AKAP8L: variants seen among roughly 807,000 people sequenced by gnomAD.
The protein encoded by AKAP8L is A-kinase anchor protein 8-like.
A neutral mutation model predicts 77.5 loss-of-function variants in AKAP8L; 34 were observed. The ratio of observed to expected loss-of-function variants is 0.44; its 90% CI spans 0.33 to 0.58. The LOEUF (loss-of-function observed/expected upper bound fraction) is 0.58, where lower values mean the gene tolerates loss of function less well. AKAP8L is among the 20% of genes least tolerant of loss of function. AKAP8L has a pLI of 0.02. For synonymous variants in AKAP8L, 342 were observed against 340.7 expected (o/e 1.00, Z -0.04); for missense variants, 806 against 887.6 (o/e 0.91, Z 1.17).
chr19:15,402,459 T>TGA (rs1487835310), intron 4 of AKAP8L, among the ~76,000 whole-genome samples: 1 of 152,176 alleles, frequency 6.6e-6, no homozygotes, highest in African/African-American at 2.4e-5. Context: ...GTGCTGCCGC[T>TGA]GCTCTGCTTA....
intron 7 of AKAP8L, 43 bp downstream of exon 7, chr19:15,400,751 C>T (rs1408066701): frequency 1.9e-6 from 3 of 1,609,452 alleles, no homozygotes; most frequent in African/African-American, 1.3e-5. Flanking sequence ...TAGGCCAGCT[C>T]GCCCTGCCTG....
intron 12 of AKAP8L, among the ~76,000 whole-genome samples, chr19:15,385,140 G>T (rs1339074369): frequency 6.6e-6 from 1 of 152,164 alleles, no homozygotes; most frequent in Non-Finnish European, 1.5e-5. Context: ...ACCACGCCCG[G>T]CTAATTTTTT....
chr19:15,405,878 C>G (rs1967986689), intron 2 of AKAP8L, among the ~76,000 whole-genome samples: 1 of 151,550 alleles, frequency 6.6e-6, no homozygotes, highest in African/African-American at 2.4e-5. Context: ...GCCAAGATTG[C>G]ACCACTGCAC....
intron 12 of AKAP8L, among the ~76,000 whole-genome samples, chr19:15,385,977 C>G (rs949297843): frequency 6.0e-5 from 9 of 150,198 alleles, no homozygotes; most frequent in African/African-American, 1.5e-4. Context: ...GTGGCGCGAT[C>G]TCGGCTCACT....
In AKAP8L at chr19:15,399,208, C is replaced by A; in HGVS notation, c.1157+94G>T. The stretch of plus-strand genomic sequence containing the variant: ...GCAGGTGGCGGCTCCCAAGGGAGGC[C>A]AGAGGGCGGCGAGCTGGCAGAGCTA... On this transcript the variant is annotated intron_variant, in intron 9 of 13. Transcript: ENST00000397410. The surrounding 1 kb of genome is among the most constrained non-coding windows in gnomAD (Gnocchi z 6.1). The A allele has an allele frequency of 8.5e-7, 1 of 1,178,002 alleles. No individual in the cohort carries two copies. Among genetic ancestry groups the A allele is most frequent in the Non-Finnish European group, 1.2e-6 (1 of 800,524 alleles). 73.0% of individuals were successfully genotyped at this position (1,178,002 alleles called of 1,614,324 possible).
intron 2 of AKAP8L, 136 bp from the exon 3 acceptor site, chr19:15,404,178 G>A (rs558364169): frequency 1.6e-5 from 13 of 810,528 alleles, no homozygotes; most frequent in Admixed American, 5.3e-5. Context: ...CCTTGAGCTC[G>A]CGAGCACTGC....
At position 15,399,444 on chromosome 19, in the gene AKAP8L, G is replaced by A. The variant is rs757186578; in HGVS notation, c.1049-34C>T. The stretch of plus-strand genomic sequence containing the variant: ...GCAGATGGGCACTGTCACCAATTTG[G>A]CTCTGCCAGGACAGGGCAGGCCCTG... On this transcript the variant is annotated intron_variant, in intron 8 of 13. Coordinates refer to ENST00000397410, the MANE Select transcript of AKAP8L (RefSeq NM_014371.4). The surrounding 1 kb of genome is among the most constrained non-coding windows in gnomAD (Gnocchi z 6.1). 6.5e-7 allele frequency: 1 copy of A among 1,542,420 alleles called. No homozygotes were observed. The highest frequency in any genetic ancestry group is 9.0e-7 in the Non-Finnish European group (1 of 1,115,374).
Position 15,398,238 on chromosome 19 carries a change from G to T in AKAP8L, c.1158-383C>A, listed in dbSNP as rs756140805. 3.4e-6 allele frequency: 1 copy of T among 290,210 alleles called. No individual in the cohort carries two copies. Among genetic ancestry groups the T allele is most frequent in the Non-Finnish European group, 6.7e-6 (1 of 149,702 alleles). The allele number at this position is 290,210 out of a possible 1,614,324, so 18.0% of individuals were successfully genotyped here. On this transcript the variant is annotated intron_variant, in intron 9 of 13. Transcript: ENST00000397410. The surrounding 1 kb of genome is among the most constrained non-coding windows in gnomAD (Gnocchi z 9.2). Reference sequence around the variant, plus strand: ...CGGAAGGAAGGATGCCCTGGCGTGAGCCAGGTGGCCCTGAGGTGCAGAGTG... The same window carrying T: ...CGGAAGGAAGGATGCCCTGGCGTGATCCAGGTGGCCCTGAGGTGCAGAGTG...
intron 12 of AKAP8L, chr19:15,381,300 G>A (rs1018293247): frequency 2.0e-5 from 3 of 152,402 alleles, no homozygotes; most frequent in African/African-American, 7.2e-5. Context: ...GTGCAGAAGA[G>A]GTTAAATAAA....
At position 15,403,741 on chromosome 19, in the gene AKAP8L, C is replaced by T; in HGVS notation, c.122-26G>A. On this transcript the variant is annotated intron_variant, in intron 3 of 13. Transcript: ENST00000397410. The surrounding 1 kb of genome is among the most constrained non-coding windows in gnomAD (Gnocchi z 4.3). The stretch of plus-strand genomic sequence containing the variant: ...CTGCAGTGAGGGAGACAGAGACAGA[C>T]AGATGGTGGGGGCAGGCAGAGGGGA... 1 of 1,537,378 alleles carries T rather than the reference C, an allele frequency of 6.5e-7. No homozygotes were observed. The highest frequency in any genetic ancestry group is 8.8e-7 in the Non-Finnish European group (1 of 1,131,254).
intron 12 of AKAP8L, among the ~76,000 whole-genome samples, chr19:15,391,536 TTA>T: frequency 1.4e-5 from 2 of 148,068 alleles, no homozygotes; most frequent in African/African-American, 5.0e-5. Context: ...TATTTTTATT[TTA>T]TTTTATTTAT....
In AKAP8L at chr19:15,403,314, G is replaced by A. The variant is rs1373943525; in HGVS notation, c.362+161C>T. 3.0e-6 allele frequency: 2 copies of A among 666,084 alleles called. No homozygotes were observed. The highest frequency in any genetic ancestry group is 5.2e-6 in the Non-Finnish European group (2 of 384,210). The allele number at this position is 666,084 out of a possible 1,614,324, so 41.3% of individuals were successfully genotyped here. On this transcript the variant is annotated intron_variant, in intron 4 of 13. Transcript: ENST00000397410. The surrounding 1 kb of genome is among the most constrained non-coding windows in gnomAD (Gnocchi z 4.3). ...TGAGGGTGGGTGAGAGGAGACACAAGTCAGAGACGGGAAGTGCAACGGACC... is the reference window on the plus strand; with the variant it reads ...TGAGGGTGGGTGAGAGGAGACACAAATCAGAGACGGGAAGTGCAACGGACC...
intron 1 of AKAP8L, among the ~76,000 whole-genome samples, chr19:15,417,919 T>C (rs1486292129): frequency 6.6e-6 from 1 of 152,202 alleles, no homozygotes; most frequent in Non-Finnish European, 1.5e-5. Context: ...CCCAAGCATA[T>C]TGCGGGGGGC....
chr19:15,399,458 G>T lies in AKAP8L; in HGVS notation c.1049-48C>A. ...TCACCAATTTGGCTCTGCCAGGACA[G>T]GGCAGGCCCTGCGGCCTCTGGCTGA... On this transcript the variant is annotated intron_variant, in intron 8 of 13. Coordinates refer to ENST00000397410, the MANE Select transcript of AKAP8L (RefSeq NM_014371.4). This position sits in a 1 kb window ranked among gnomAD's most constrained non-coding sequence, Gnocchi z 6.1. The T allele has an allele frequency of 1.4e-6, 2 of 1,438,664 alleles. No homozygotes were observed. Among genetic ancestry groups the T allele is most frequent in the Non-Finnish European group, 2.0e-6 (2 of 1,021,098 alleles). The allele number at this position is 1,438,664 out of a possible 1,614,324, so 89.1% of individuals were successfully genotyped here.
intron 12 of AKAP8L, 73 bp from the exon 13 acceptor site, chr19:15,380,685 C>T (rs1210522297): frequency 1.4e-6 from 2 of 1,451,392 alleles, no homozygotes; most frequent in African/African-American, 1.4e-5. Flanking sequence ...ACCCTGCCAG[C>T]TTAGAGGGAC....
At position 15,413,092 on chromosome 19, in the gene AKAP8L, CT is replaced by C. The variant is rs1418455383; in HGVS notation, c.14-2499del. Among the ~76,000 whole-genome samples the C allele has an allele frequency of 2.0e-5, 3 of 152,190 alleles. No homozygotes were observed. In the East Asian group the frequency reaches 5.8e-4, roughly 29 times the overall value. On this transcript the variant is annotated intron_variant, in intron 1 of 13. Transcript: ENST00000397410. ...AGCAGCAGCCAACAGCAAACAAGTG[CT>C]TTCCCTGCAGGGTGCTAAGAACATT...
At chr19:15,385,064 G>A (rs1317408552) in intron 12 of AKAP8L, among the ~76,000 whole-genome samples, 2 of 151,162 alleles carry the variant, frequency 1.3e-5, no homozygotes, top group East Asian at 1.9e-4. Context: ...TGCAAGCTCC[G>A]CCTCCCGAGT....
intron 1 of AKAP8L, among the ~76,000 whole-genome samples, chr19:15,418,417 T>C (rs1968253687): frequency 6.6e-6 from 1 of 151,962 alleles, no homozygotes. Context: ...CCTGGCGCCT[T>C]TCCCAGTTCT....
chr19:15,418,925 GT>G lies in AKAP8L; in HGVS notation c.-3del. On this transcript the variant is annotated 5_prime_UTR_variant, in exon 1 of 14. Coordinates refer to ENST00000397410, the MANE Select transcript of AKAP8L (RefSeq NM_014371.4). ...GCCAGGCCCACCTGTGTAGCTCATG[GT>G]GGCGGGCAACACAACATCCGACGAC... is the stretch of plus-strand genomic sequence containing the variant. The G allele has an allele frequency of 6.2e-7, 1 of 1,604,898 alleles. No individual in the cohort carries two copies. Among genetic ancestry groups the G allele is most frequent in the Middle Eastern group, 1.7e-4 (1 of 6,050 alleles).
Sources: allele counts gnomAD v4.1 joint callset (sites outside exome capture counted in the v4.1 genomes callset), GRCh38; gene constraint gnomAD v4.1.1; non-coding constraint Gnocchi (gnomAD v3.1); transcripts MANE v1.5; gene names NCBI Gene and HGNC (gene_info 2026-07-23, HGNC 2026-07-21).